The following TMEM117 variants were observed in gnomAD, a reference collection of about 807,000 sequenced individuals.
TMEM117 encodes transmembrane protein 117.
In TMEM117, 27 loss-of-function variants were observed where a neutral mutation model predicts 52.4. That is an observed-to-expected ratio of 0.51 (90% confidence interval 0.38 to 0.71). The LOEUF (loss-of-function observed/expected upper bound fraction) is 0.71, where lower values mean the gene tolerates loss of function less well. TMEM117 is among the 30% of genes least tolerant of loss of function. The pLI, the probability that TMEM117 is intolerant of heterozygous loss-of-function variation, is 0.00. For synonymous variants in TMEM117, 215 were observed against 206.3 expected (o/e 1.04, Z -0.36); for missense variants, 556 against 630.5 (o/e 0.88, Z 1.26).
chr12:44,160,080 G>C (rs1406987212), intron 4 of TMEM117, among the ~76,000 whole-genome samples: 1 of 152,178 alleles, frequency 6.6e-6, no homozygotes. Context: ...AGCCTGGAAA[G>C]CAACATGACA....
the TMEM117 span, chr12:43,804,667 A>G: frequency 1.3e-6 from 1 of 786,210 alleles, no homozygotes. Context: ...CAAAGAAAAA[A>G]TCTGGAGCAT....
chr12:43,824,794 T>C, the TMEM117 span, among the ~76,000 whole-genome samples: 3 of 152,180 alleles, frequency 2.0e-5, no homozygotes, highest in South Asian at 4.1e-4. Flanking sequence ...CCGGGCATGG[T>C]GGCGGGTGCC....
intron 3 of TMEM117, among the ~76,000 whole-genome samples, chr12:43,979,294 A>G (rs1945722267): frequency 6.6e-6 from 1 of 152,074 alleles, no homozygotes; most frequent in Non-Finnish European, 1.5e-5. Context: ...TGTGTTCTTT[A>G]TGACAGAGGC....
intron 3 of TMEM117, among the ~76,000 whole-genome samples, chr12:44,037,962 G>GA (rs1460745717): frequency 6.6e-6 from 1 of 151,992 alleles, no homozygotes; most frequent in Non-Finnish European, 1.5e-5. Context: ...TCTCCACTGA[G>GA]AGCTCAATAC....
chr12:44,238,156 G>A (rs1950020615), intron 5 of TMEM117, among the ~76,000 whole-genome samples: 1 of 152,130 alleles, frequency 6.6e-6, no homozygotes, highest in African/African-American at 2.4e-5. Flanking sequence ...AGAAGTGTCT[G>A]TGTGTTTTGC....
chr12:43,864,109 G>A (rs1397523959), intron 2 of TMEM117, among the ~76,000 whole-genome samples: 5 of 152,158 alleles, frequency 3.3e-5, no homozygotes, highest in African/African-American at 4.8e-5. Context: ...GATTTCTCAC[G>A]GGGCTTTAGC....
At chr12:44,370,855 T>C (rs1280757963) in intron 6 of TMEM117, among the ~76,000 whole-genome samples, 1 of 152,152 alleles carries the variant, frequency 6.6e-6, no homozygotes, top group East Asian at 1.9e-4. Context: ...TCAACAAATA[T>C]TTGAGTTCTT....
At chr12:44,050,753 A>T (rs1946957495) in intron 3 of TMEM117, among the ~76,000 whole-genome samples, 1 of 152,254 alleles carries the variant, frequency 6.6e-6, no homozygotes. Context: ...CTAAAGAGTG[A>T]TTTCTTAAAC....
the TMEM117 span, chr12:43,806,519 T>G: frequency 1.9e-6 from 1 of 526,210 alleles, no homozygotes; most frequent in African/African-American, 2.0e-5. Flanking sequence ...CTCCCGCTTC[T>G]TCCGGGGGGG....
chr12:43,809,170 T>C, the TMEM117 span, among the ~76,000 whole-genome samples: 1 of 152,242 alleles, frequency 6.6e-6, no homozygotes, highest in Non-Finnish European at 1.5e-5. Context: ...TACATGTTTG[T>C]GTATAGTGCA....
the TMEM117 span, chr12:43,797,046 A>G: frequency 6.2e-7 from 1 of 1,611,470 alleles, no homozygotes; most frequent in Non-Finnish European, 8.5e-7. Flanking sequence ...GCTAGAATAC[A>G]GCATCCGCTC....
chr12:44,043,124 A>G (rs1452133212), intron 3 of TMEM117, among the ~76,000 whole-genome samples: 1 of 152,190 alleles, frequency 6.6e-6, no homozygotes, highest in African/African-American at 2.4e-5. Context: ...AAGGAGCGTA[A>G]TGAAGCTGGT....
chr12:44,379,993 T>TA (rs1046894061), intron 7 of TMEM117, among the ~76,000 whole-genome samples: 2 of 152,186 alleles, frequency 1.3e-5, no homozygotes, highest in Non-Finnish European at 2.9e-5. Context: ...ATGCCTGAGG[T>TA]ATGCAGCAGA....
Position 44,299,616 on chromosome 12 carries a change from T to A in TMEM117, c.645T>A (p.Leu215=), listed in dbSNP as rs750554792. Residue 215 remains leucine (L), a synonymous_variant, in exon 6 of 8, where the codon CTT becomes CTA. Transcript: ENST00000266534. ...TTACTCTGACGTCTGTGGTTGTACT[T>A]GTGATTACAACGGACTGGATCAGCT... The part of the protein sequence containing the change: ...VLFTLTSVVV[L]VITTDWISWD... 1.2e-6 allele frequency: 2 copies of A among 1,614,226 alleles called. No homozygotes were observed. Among genetic ancestry groups the A allele is most frequent in the East Asian group, 2.2e-5 (1 of 44,886 alleles).
chr12:44,070,952 G>C (rs1002500033), intron 3 of TMEM117, among the ~76,000 whole-genome samples: 2 of 152,146 alleles, frequency 1.3e-5, no homozygotes, highest in Admixed American at 6.5e-5. Flanking sequence ...GAGGGAAGAG[G>C]CAGATTCATC....
intron 2 of TMEM117, among the ~76,000 whole-genome samples, chr12:43,856,320 T>C (rs1370320535): frequency 6.6e-6 from 1 of 152,260 alleles, no homozygotes; most frequent in Non-Finnish European, 1.5e-5. Flanking sequence ...TATGGAGTTC[T>C]GGAATCATAC....
intron 5 of TMEM117, among the ~76,000 whole-genome samples, chr12:44,231,005 G>A (rs1204138701): frequency 6.6e-6 from 1 of 151,832 alleles, no homozygotes; most frequent in Non-Finnish European, 1.5e-5. Context: ...TATATAATGA[G>A]TAATTACAAA....
chr12:44,234,592 T>G (rs1949971933), intron 5 of TMEM117, among the ~76,000 whole-genome samples: 1 of 151,372 alleles, frequency 6.6e-6, no homozygotes, highest in South Asian at 2.1e-4. Flanking sequence ...TTTATTTTCT[T>G]AATTTCTGCT....
At chr12:44,364,165 A>G (rs1418554528) in intron 6 of TMEM117, among the ~76,000 whole-genome samples, 1 of 152,178 alleles carries the variant, frequency 6.6e-6, no homozygotes, top group Non-Finnish European at 1.5e-5. Context: ...CACCAAGTAC[A>G]ATCCATTGCT....
Sources: allele counts gnomAD v4.1 joint callset (sites outside exome capture counted in the v4.1 genomes callset), GRCh38; gene constraint gnomAD v4.1.1; transcripts MANE v1.5; gene names NCBI Gene and HGNC (gene_info 2026-07-23, HGNC 2026-07-21).